Variants in HEMK2 observed in about 807,000 individuals in gnomAD.
The protein encoded by HEMK2 is HemK methyltransferase 2, ETF1 glutamine and histone H4 lysine.
At chr21:28,713,923 A>G in the HEMK2 span, among the ~76,000 whole-genome samples, 1 of 152,232 alleles carries the variant, frequency 6.6e-6, no homozygotes, top group Non-Finnish European at 1.5e-5. Flanking sequence ...ATACGCATAT[A>G]TAGCTAAGAA....
chr21:28,725,843 G>C, the HEMK2 span, among the ~76,000 whole-genome samples: 7 of 152,130 alleles, frequency 4.6e-5, no homozygotes, highest in Non-Finnish European at 1.0e-4. Flanking sequence ...GACATCTATA[G>C]GCTTTCTTGG....
chr21:28,861,745 G>A, the HEMK2 span, among the ~76,000 whole-genome samples: 2 of 152,172 alleles, frequency 1.3e-5, no homozygotes, highest in African/African-American at 4.8e-5. Context: ...TTCTCCAGAA[G>A]GCCATGTATG....
chr21:28,831,406 C>T, the HEMK2 span, among the ~76,000 whole-genome samples: 1 of 145,574 alleles, frequency 6.9e-6, no homozygotes, highest in Non-Finnish European at 1.5e-5. Context: ...GAACATGCCA[C>T]TGTACTCCAG....
the HEMK2 span, among the ~76,000 whole-genome samples, chr21:28,588,771 C>T: frequency 2.0e-5 from 3 of 151,984 alleles, no homozygotes; most frequent in Non-Finnish European, 4.4e-5. Context: ...ATCACAAGGT[C>T]AGGAGATCGA....
chr21:28,681,569 C>T, the HEMK2 span, among the ~76,000 whole-genome samples: 2 of 152,018 alleles, frequency 1.3e-5, no homozygotes, highest in Non-Finnish European at 2.9e-5. Context: ...TTCATATGGA[C>T]CAAAAAAAAG....
At chr21:28,683,546 A>T in the HEMK2 span, among the ~76,000 whole-genome samples, 2 of 152,190 alleles carry the variant, frequency 1.3e-5, no homozygotes, top group East Asian at 3.8e-4. Flanking sequence ...TACAAAAAGG[A>T]TATCTCTTAT....
the HEMK2 span, among the ~76,000 whole-genome samples, chr21:28,745,736 C>A: frequency 6.6e-6 from 1 of 152,188 alleles, no homozygotes; most frequent in Non-Finnish European, 1.5e-5. Context: ...ATATAACACA[C>A]CCCTTCCCAA....
At chr21:28,837,921 C>T in the HEMK2 span, among the ~76,000 whole-genome samples, 1 of 152,240 alleles carries the variant, frequency 6.6e-6, no homozygotes, top group African/African-American at 2.4e-5. Flanking sequence ...CCTTTACACA[C>T]ATAAACTAGA....
the HEMK2 span, chr21:28,872,827 T>C: frequency 3.9e-4 from 59 of 152,228 alleles, no homozygotes; most frequent in African/African-American, 1.4e-3. Context: ...GCCTTTTATT[T>C]TATTTACGCC....
the HEMK2 span, among the ~76,000 whole-genome samples, chr21:28,632,834 C>G: frequency 1.3e-5 from 2 of 152,152 alleles, no homozygotes; most frequent in Non-Finnish European, 2.9e-5. Flanking sequence ...GCAAATGCCT[C>G]CCTGATGAAT....
chr21:28,715,661 A>T, the HEMK2 span, among the ~76,000 whole-genome samples: 1 of 151,958 alleles, frequency 6.6e-6, no homozygotes, highest in South Asian at 2.1e-4. Flanking sequence ...CTCACTTGTC[A>T]ATTTTTGTTT....
At chr21:28,774,273 A>G in the HEMK2 span, among the ~76,000 whole-genome samples, 2 of 152,172 alleles carry the variant, frequency 1.3e-5, no homozygotes, top group Non-Finnish European at 2.9e-5. Context: ...CATACCTACT[A>G]AAAACTGTTA....
At chr21:28,615,878 G>C in the HEMK2 span, among the ~76,000 whole-genome samples, 1 of 152,158 alleles carries the variant, frequency 6.6e-6, no homozygotes, top group Admixed American at 6.5e-5. Context: ...GTGATCTCCA[G>C]AGTGGGGTAG....
the HEMK2 span, among the ~76,000 whole-genome samples, chr21:28,804,445 A>G: frequency 1.3e-5 from 2 of 152,156 alleles, no homozygotes; most frequent in Non-Finnish European, 2.9e-5. Context: ...CATATAATTA[A>G]ATGTTGAGGC....
At chr21:28,612,248 T>C in the HEMK2 span, among the ~76,000 whole-genome samples, 1 of 151,652 alleles carries the variant, frequency 6.6e-6, no homozygotes. Context: ...CAAATGGGTT[T>C]CATAGCAGGA....
At chr21:28,720,366 G>A in the HEMK2 span, among the ~76,000 whole-genome samples, 1 of 152,172 alleles carries the variant, frequency 6.6e-6, no homozygotes, top group South Asian at 2.1e-4. Context: ...TGAATAATGA[G>A]AATCAACTGA....
At chr21:28,611,161 T>C in the HEMK2 span, among the ~76,000 whole-genome samples, 1 of 151,878 alleles carries the variant, frequency 6.6e-6, no homozygotes, top group Non-Finnish European at 1.5e-5. Flanking sequence ...ACAAAACAAA[T>C]CTCAACAAAT....
the HEMK2 span, among the ~76,000 whole-genome samples, chr21:28,681,220 C>A: frequency 6.6e-6 from 1 of 152,150 alleles, no homozygotes; most frequent in South Asian, 2.1e-4. Flanking sequence ...GATACAAAAT[C>A]AGTGTGAAAA....
At chr21:28,841,729 G>A in the HEMK2 span, among the ~76,000 whole-genome samples, 1 of 151,508 alleles carries the variant, frequency 6.6e-6, no homozygotes, top group Admixed American at 6.6e-5. Context: ...TACTGCTCAG[G>A]TGCACCAAAA....
Sources: gnomAD v4.1 joint callset for allele counts (sites outside exome capture counted in the v4.1 genomes callset) on GRCh38, gnomAD v4.1.1 for gene constraint, MANE v1.5 for transcripts, NCBI Gene and HGNC (gene_info 2026-07-23, HGNC 2026-07-21) for gene names.